The following HPSE2 variants were observed in gnomAD, a reference collection of about 807,000 sequenced individuals.
HPSE2 encodes the protein heparanase 2 (inactive).
A neutral mutation model predicts 60.5 loss-of-function variants in HPSE2; 38 were observed. That is an observed-to-expected ratio of 0.63 (90% CI 0.48 to 0.82). The LOEUF (loss-of-function observed/expected upper bound fraction) is 0.82, where lower values mean the gene tolerates loss of function less well. HPSE2 is among the 40% of genes least tolerant of loss of function. The pLI, the probability that HPSE2 is intolerant of heterozygous loss-of-function variation, is 0.00. For missense variants in HPSE2, 713 were observed against 740.4 expected (o/e 0.96, Z 0.43); for synonymous variants, 295 against 293.2 (o/e 1.01, Z -0.06).
At chr10:98,589,337 A>G (rs1945023915) in intron 9 of HPSE2, among the ~76,000 whole-genome samples, 1 of 152,158 alleles carries the variant, frequency 6.6e-6, no homozygotes, top group African/African-American at 2.4e-5. Context: ...GCCATGTCCC[A>G]CCTATCTGTG....
At chr10:99,249,979 T>G in the HPSE2 span, among the ~76,000 whole-genome samples, 1 of 151,678 alleles carries the variant, frequency 6.6e-6, no homozygotes, top group Non-Finnish European at 1.5e-5. Flanking sequence ...CTGTCTCTAC[T>G]AAAAAATACA....
intron 3 of HPSE2, among the ~76,000 whole-genome samples, chr10:98,796,938 C>T (rs57108924): frequency 0.038 from 5,769 of 152,300 alleles, 232 homozygotes; most frequent in East Asian, 0.17. Context: ...GGTGGTAGCT[C>T]TACGAGTCTG....
At chr10:98,663,523 A>G (rs1007969667) in intron 6 of HPSE2, among the ~76,000 whole-genome samples, 21 of 152,196 alleles carry the variant, frequency 1.4e-4, no homozygotes, top group African/African-American at 4.8e-4. Flanking sequence ...TTGGGATCCA[A>G]CAAGGGAGCA....
At chr10:98,619,890 G>A (rs560745385) in intron 8 of HPSE2, among the ~76,000 whole-genome samples, 1 of 152,312 alleles carries the variant, frequency 6.6e-6, no homozygotes, top group Non-Finnish European at 1.5e-5. Flanking sequence ...GAGGAAGAAA[G>A]GCAGGTGGTC....
chr10:98,521,071 T>C lies in HPSE2; in HGVS notation c.1321-30875A>G, dbSNP rs934201502. On this transcript the variant is annotated intron_variant, in intron 9 of 11. Transcript: ENST00000370552. ...AACCTAGGCAATACCATTGAGGACA[T>C]TGGCATGGGCAAGGACTTCATGTCT... Among the ~76,000 whole-genome samples the C allele has an allele frequency of 4.6e-5, 7 of 152,316 alleles. No homozygotes were observed. The South Asian group carries it at 6.2e-4, about 14-fold the overall frequency.
At position 98,931,164 on chromosome 10, in the gene HPSE2, T is replaced by C. The variant is rs566658257; in HGVS notation, c.611-187108A>G. Among the ~76,000 whole-genome samples, 51 of 144,398 alleles carry C rather than the reference T, an allele frequency of 3.5e-4. 5 individuals carry two copies. Among genetic ancestry groups the C allele is most frequent in the Middle Eastern group, 3.5e-3 (1 of 282 alleles). The allele number at this position is 144,398 out of a possible 152,430, so 94.7% of individuals were successfully genotyped here. A position where few individuals can be genotyped will look rare whatever the true frequency, so the allele number is the denominator to read the frequency against. ...TTTTGTAAAAGGTGTAAGGAAGAGA[T>C]CCCATTTCAATTTTCTGCATATAAC... On this transcript the variant is annotated intron_variant, in intron 3 of 11. Transcript: ENST00000370552.
intron 2 of HPSE2, among the ~76,000 whole-genome samples, chr10:99,184,203 C>T (rs573691759): frequency 6.6e-6 from 1 of 151,978 alleles, no homozygotes; most frequent in African/African-American, 2.4e-5. Flanking sequence ...ATCAAAATGA[C>T]ACAGATGGTA....
At chr10:98,919,219 G>A (rs749711931) in intron 3 of HPSE2, among the ~76,000 whole-genome samples, 6 of 152,104 alleles carry the variant, frequency 3.9e-5, no homozygotes, top group African/African-American at 9.7e-5. Context: ...ACAAAGAAAC[G>A]AGTATACACA....
At chr10:98,619,018 AG>A (rs1388237251) in intron 8 of HPSE2, among the ~76,000 whole-genome samples, 2 of 152,224 alleles carry the variant, frequency 1.3e-5, no homozygotes, top group Admixed American at 6.5e-5. Context: ...GGAAGACCCA[AG>A]GTATCACTGT....
At chr10:99,224,957 A>C (rs1849425409) in intron 2 of HPSE2, among the ~76,000 whole-genome samples, 1 of 152,068 alleles carries the variant, frequency 6.6e-6, no homozygotes, top group African/African-American at 2.4e-5. Flanking sequence ...CGTGGCCACA[A>C]TGACTACACT....
intron 9 of HPSE2, among the ~76,000 whole-genome samples, chr10:98,500,531 A>G (rs142552623): frequency 0.027 from 4,074 of 152,312 alleles, 194 homozygotes; most frequent in African/African-American, 0.091. Flanking sequence ...AGGCGGTGCT[A>G]AGAGGAAAGT....
intron 3 of HPSE2, among the ~76,000 whole-genome samples, chr10:98,793,817 C>T (rs1015891302): frequency 1.3e-5 from 2 of 152,154 alleles, no homozygotes; most frequent in African/African-American, 4.8e-5. Flanking sequence ...GCAGAGAAAA[C>T]AGCAAGTACA....
chr10:98,987,760 A>G (rs537616516), intron 3 of HPSE2, among the ~76,000 whole-genome samples: 10 of 152,224 alleles, frequency 6.6e-5, no homozygotes, highest in African/African-American at 2.4e-4. Flanking sequence ...GTCTCAGCCC[A>G]AAATCTCCTT....
intron 3 of HPSE2, among the ~76,000 whole-genome samples, chr10:99,129,175 C>CA (rs1441265900): frequency 2.0e-5 from 3 of 152,160 alleles, no homozygotes; most frequent in Non-Finnish European, 2.9e-5. Flanking sequence ...TACACAGCAA[C>CA]ACAATAATGG....
intron 2 of HPSE2, among the ~76,000 whole-genome samples, chr10:99,168,650 T>C (rs562091587): frequency 1.3e-5 from 2 of 152,292 alleles, no homozygotes; most frequent in South Asian, 2.1e-4. Flanking sequence ...AAGGAATATT[T>C]AGGAGGGAGT....
Position 98,472,213 on chromosome 10 carries a change from T to C in HPSE2, c.1613+10423A>G, listed in dbSNP as rs557961478. ...ATAAATATATATATATACTCTTACA[T>C]ATATATTTATATTTCCGCTTTTTAC... On this transcript the variant is annotated intron_variant, in intron 11 of 11. Transcript: ENST00000370552. Among the ~76,000 whole-genome samples, 7 of 151,980 alleles carry C rather than the reference T, an allele frequency of 4.6e-5. No individual in the cohort carries two copies. In the South Asian group the frequency reaches 1.4e-3, roughly 31 times the overall value.
rs1470157279 is a variant in HPSE2 at position 98,767,509 on chromosome 10, C to T, written c.611-23453G>A. ...ATGATATATACATGTATATGTTATG[C>T]ATATTGCACTATATATACTATATAT... On this transcript the variant is annotated intron_variant, in intron 3 of 11. Coordinates refer to ENST00000370552, the MANE Select transcript of HPSE2 (RefSeq NM_021828.5). 3.4e-5 allele frequency among the ~76,000 whole-genome samples: 5 copies of T among 147,244 alleles called. No homozygotes were observed. The East Asian group carries it at 1.0e-3, about 29-fold the overall frequency.
At chr10:98,608,024 C>T (rs545752839) in intron 9 of HPSE2, among the ~76,000 whole-genome samples, 1 of 152,114 alleles carries the variant, frequency 6.6e-6, no homozygotes, top group South Asian at 2.1e-4. Flanking sequence ...TTCATTGGCT[C>T]GTTTAATCTT....
the HPSE2 span, among the ~76,000 whole-genome samples, chr10:99,286,379 G>T: frequency 0.85 from 129,762 of 152,166 alleles, 55,656 homozygotes; most frequent in African/African-American, 0.91. Context: ...CAATGGAATA[G>T]TCAGCCATAA....
Sources: gnomAD v4.1 joint callset for allele counts (sites outside exome capture counted in the v4.1 genomes callset) on GRCh38, gnomAD v4.1.1 for gene constraint, MANE v1.5 for transcripts, NCBI Gene and HGNC (gene_info 2026-07-23, HGNC 2026-07-21) for gene names.